Variants in EIF4E3 observed in about 807,000 individuals in gnomAD.
EIF4E3 encodes eukaryotic translation initiation factor 4E type 3.
A neutral mutation model predicts 31.7 loss-of-function variants in EIF4E3; 26 were observed. The ratio of observed to expected loss-of-function variants is 0.82; its 90% CI spans 0.60 to 1.14. The LOEUF (loss-of-function observed/expected upper bound fraction) is 1.14, where lower values mean the gene tolerates loss of function less well. Among genes scored for constraint, EIF4E3 ranks in the 50% most tolerant of loss-of-function variants. The pLI, the probability that EIF4E3 is intolerant of heterozygous loss-of-function variation, is 0.00. For missense variants in EIF4E3, 304 were observed against 270.9 expected (o/e 1.12, Z -0.86); for synonymous variants, 128 against 107.7 (o/e 1.19, Z -1.17).
chr3:71,736,795 A>T (rs1158962801), intron 1 of EIF4E3, among the ~76,000 whole-genome samples: 2 of 152,202 alleles, frequency 1.3e-5, no homozygotes, highest in Non-Finnish European at 2.9e-5. Flanking sequence ...CCTAATGTAA[A>T]CTATGGACTT....
rs61264269 is a variant in EIF4E3, at chr3:71,686,543, A to AGTGTGTGTGTGTGTGTGTGT, written c.629-1835_629-1816dup. 2.2e-3 allele frequency among the ~76,000 whole-genome samples: 310 copies of AGTGTGTGTGTGTGTGTGTGT among 143,590 alleles called. 1 individual carries two copies. Among genetic ancestry groups the AGTGTGTGTGTGTGTGTGTGT allele is most frequent in the Non-Finnish European group, 3.4e-3 (219 of 64,930 alleles). The allele number at this position is 143,590 out of a possible 152,430, so 94.2% of individuals were successfully genotyped here. A position where few individuals can be genotyped will look rare whatever the true frequency, so the allele number is the denominator to read the frequency against. On this transcript the variant is annotated intron_variant, in intron 6 of 6. Coordinates refer to ENST00000425534, the MANE Select transcript of EIF4E3 (RefSeq NM_001134651.2). ...TTAACTTTGCAAATATTTCACATTG[A>AGTGTGTGTGTGTGTGTGTGT]GTGTGTGTGTGTGTGTGTGTGTGTG...
intron 1 of EIF4E3, among the ~76,000 whole-genome samples, chr3:71,740,448 T>C (rs745721602): frequency 2.0e-5 from 3 of 152,162 alleles, no homozygotes; most frequent in Non-Finnish European, 2.9e-5. Flanking sequence ...ATTTAACAGA[T>C]ATTGGCCAGT....
Position 71,681,261 on chromosome 3 carries a change from A to T in EIF4E3, c.*3421T>A, listed in dbSNP as rs569572914. Reference sequence around the variant, plus strand: ...GCAAAATGCAGTAGGATCTTAAAAAAATTCTACAAACATAGCTGGATAAAT... The same window carrying T: ...GCAAAATGCAGTAGGATCTTAAAAATATTCTACAAACATAGCTGGATAAAT... On this transcript the variant is annotated 3_prime_UTR_variant, in exon 7 of 7. Coordinates refer to ENST00000425534, the MANE Select transcript of EIF4E3 (RefSeq NM_001134651.2). 6.6e-6 allele frequency: 1 copy of T among 152,352 alleles called. No individual in the cohort carries two copies. The highest frequency in any genetic ancestry group is 2.4e-5 in the African/African-American group (1 of 41,582). 9.4% of individuals were successfully genotyped at this position (152,352 alleles called of 1,614,324 possible).
At chr3:71,720,184 A>T (rs1290590893) in intron 1 of EIF4E3, among the ~76,000 whole-genome samples, 5 of 151,782 alleles carry the variant, frequency 3.3e-5, no homozygotes, top group Admixed American at 2.0e-4. Context: ...GTACGTACAT[A>T]TGTAAGTATT....
At chr3:71,744,418 G>A (rs2049850790) in intron 1 of EIF4E3, among the ~76,000 whole-genome samples, 4 of 152,166 alleles carry the variant, frequency 2.6e-5, no homozygotes, top group Admixed American at 6.5e-5. Context: ...AGAAGGTAAA[G>A]TAAGAGCATT....
chr3:71,704,983 T>C (rs2049269468), intron 2 of EIF4E3, among the ~76,000 whole-genome samples: 1 of 152,222 alleles, frequency 6.6e-6, no homozygotes, highest in African/African-American at 2.4e-5. Flanking sequence ...AACTAAATGA[T>C]GGATAAAGAA....
upstream of EIF4E3, chr3:71,754,767 G>A (rs1164420194): frequency 4.5e-6 from 6 of 1,329,504 alleles, no homozygotes; most frequent in South Asian, 3.6e-5. This position sits in a 1 kb window ranked among gnomAD's most constrained non-coding sequence, Gnocchi z 5.8. Context: ...CCAGGCGGCC[G>A]CCAACTGGAC....
chr3:71,742,727 C>T (rs1203335944), intron 1 of EIF4E3, among the ~76,000 whole-genome samples: 2 of 151,800 alleles, frequency 1.3e-5, no homozygotes. Flanking sequence ...TGTAAAAATT[C>T]AAAACAAAAT....
chr3:71,745,388 C>T (rs1196863728), intron 1 of EIF4E3, among the ~76,000 whole-genome samples: 1 of 152,118 alleles, frequency 6.6e-6, no homozygotes, highest in Non-Finnish European at 1.5e-5. Context: ...TAGGTACATC[C>T]TTAAAGATGT....
At chr3:71,754,123 T>C, upstream of EIF4E3, 2 of 1,432,618 alleles carry the variant, frequency 1.4e-6, no homozygotes, top group Non-Finnish European at 1.8e-6. This position sits in a 1 kb window ranked among gnomAD's most constrained non-coding sequence, Gnocchi z 5.8. Context: ...CTGGCCACGC[T>C]CAGCCTGCTG....
Position 71,678,186 on chromosome 3 carries a change from G to T in EIF4E3, c.*6496C>A, listed in dbSNP as rs1036933152. 6.6e-6 allele frequency: 1 copy of T among 152,190 alleles called. No homozygotes were observed. The highest frequency in any genetic ancestry group is 6.5e-5 in the Admixed American group (1 of 15,278). 9.4% of individuals were successfully genotyped at this position (152,190 alleles called of 1,614,324 possible). A position where few individuals can be genotyped will look rare whatever the true frequency, so the allele number is the denominator to read the frequency against. On this transcript the variant is annotated 3_prime_UTR_variant, in exon 7 of 7. Coordinates refer to ENST00000425534, the MANE Select transcript of EIF4E3 (RefSeq NM_001134651.2). ...ACTGGAAATCTAATAATGATTAAGTGATGTGGTTGATTAAACTGCATGAAA... is the reference window on the plus strand; with the variant it reads ...ACTGGAAATCTAATAATGATTAAGTTATGTGGTTGATTAAACTGCATGAAA...
In EIF4E3 at chr3:71,710,399, C is replaced by G. The variant is rs764029868; in HGVS notation, c.249+13G>C. 1.3e-6 allele frequency: 2 copies of G among 1,551,926 alleles called. No individual in the cohort carries two copies. Among genetic ancestry groups the G allele is most frequent in the Non-Finnish European group, 1.7e-6 (2 of 1,146,948 alleles). ...TGCCGTGTTAATCCAGTTAGTCCCT[C>G]TCTTGATCTTACCTGTACTGTCTGT... On this transcript the variant is annotated intron_variant, in intron 2 of 6. Transcript: ENST00000425534.
At chr3:71,696,651 C>A in intron 3 of EIF4E3, 131 bp from the exon 4 acceptor site, 3 of 1,023,056 alleles carry the variant, frequency 2.9e-6, no homozygotes, top group Non-Finnish European at 4.2e-6. Context: ...GGGCATTTTT[C>A]TTATTTTTGT....
upstream of EIF4E3, among the ~76,000 whole-genome samples, chr3:71,727,348 A>G (rs1440476530): frequency 6.6e-6 from 1 of 152,240 alleles, no homozygotes; most frequent in East Asian, 1.9e-4. Context: ...AGCATTTAAT[A>G]CCAATGCTGT....
At chr3:71,725,442 C>T (rs1182458772), upstream of EIF4E3, 1 of 831,080 alleles carries the variant, frequency 1.2e-6, no homozygotes, top group Non-Finnish European at 1.4e-6. The surrounding 1 kb of genome is among the most constrained non-coding windows in gnomAD (Gnocchi z 6.1). Context: ...CCCCGGCCCC[C>T]GCCCCGCCCC....
chr3:71,699,640 T>C lies in EIF4E3; in HGVS notation c.318A>G (p.Leu106=), dbSNP rs2049187247. 1.2e-6 allele frequency: 2 copies of C among 1,613,826 alleles called. No homozygotes were observed. The highest frequency in any genetic ancestry group is 1.3e-5 in the African/African-American group (1 of 75,056). Residue 106 remains leucine, a synonymous_variant, in exon 3 of 7, where the codon TTA becomes TTG. Transcript: ENST00000425534. ...AAAGTGGTCGCCTCTCTCCTCTCAT[T>C]AAATGATAACTACATCTCAAAGGCA... The part of the protein sequence containing the change: ...TSLPLRCSYH[L]MRGERRPLWE...
chr3:71,744,694 G>A (rs986708820), intron 1 of EIF4E3, among the ~76,000 whole-genome samples: 39 of 152,318 alleles, frequency 2.6e-4, no homozygotes, highest in African/African-American at 8.7e-4. Context: ...GCAGTGAGCC[G>A]AGACTGTGCC....
At chr3:71,746,465 T>A (rs1439204973) in intron 1 of EIF4E3, among the ~76,000 whole-genome samples, 1 of 152,130 alleles carries the variant, frequency 6.6e-6, no homozygotes, top group Non-Finnish European at 1.5e-5. Context: ...AAGGGGGCAA[T>A]CCTTATGCAC....
At chr3:71,732,849 C>A (rs549814030) in intron 1 of EIF4E3, among the ~76,000 whole-genome samples, 1 of 152,230 alleles carries the variant, frequency 6.6e-6, no homozygotes, top group African/African-American at 2.4e-5. Context: ...TGGGACAAAT[C>A]GGTGAACCTC....
Sources: allele counts gnomAD v4.1 joint callset (sites outside exome capture counted in the v4.1 genomes callset), GRCh38; gene constraint gnomAD v4.1.1; non-coding constraint Gnocchi (gnomAD v3.1); transcripts MANE v1.5; gene names NCBI Gene and HGNC (gene_info 2026-07-23, HGNC 2026-07-21).